PLCB1: variants seen among roughly 807,000 people sequenced by gnomAD.
PLCB1 encodes the protein phospholipase C beta 1.
In PLCB1, 46 loss-of-function variants were observed where a neutral mutation model predicts 161.8. The ratio of observed to expected loss-of-function variants is 0.28; its 90% CI spans 0.22 to 0.36. PLCB1 has a LOEUF of 0.36. Among genes scored for constraint, PLCB1 ranks in the 10% least tolerant of loss-of-function variants. PLCB1 has a pLI of 1.00. For missense variants in PLCB1, 1,016 were observed against 1,472.5 expected (o/e 0.69, Z 5.07); for synonymous variants, 517 against 503.7 (o/e 1.03, Z -0.35).
chr20:8,205,714 A>G (rs1600233298), intron 2 of PLCB1, among the ~76,000 whole-genome samples: 1 of 152,258 alleles, frequency 6.6e-6, no homozygotes, highest in East Asian at 1.9e-4. Context: ...AAAAGAGGGA[A>G]ACTACACCGT....
At chr20:8,639,890 C>T (rs1262362822) in intron 4 of PLCB1, among the ~76,000 whole-genome samples, 1 of 119,360 alleles carries the variant, frequency 8.4e-6, no homozygotes, top group Non-Finnish European at 1.8e-5. Flanking sequence ...AATTAGAAGA[C>T]AAGAAAAAAA....
rs191678887 is a variant in PLCB1, at chr20:8,778,238, A to G, written c.3111+3519A>G. Among the ~76,000 whole-genome samples the G allele has an allele frequency of 2.3e-3, 356 of 152,322 alleles. 1 individual carries two copies. The highest frequency in any genetic ancestry group is 8.2e-3 in the African/African-American group (342 of 41,582). On this transcript the variant is annotated intron_variant, in intron 27 of 31. Transcript: ENST00000338037. ...TTCCTGAAAGAGGAATTCAGAGTACAGATGAAAACAGAAGCCAAAACATCC... is the reference window on the plus strand; with the variant it reads ...TTCCTGAAAGAGGAATTCAGAGTACGGATGAAAACAGAAGCCAAAACATCC...
chr20:8,153,942 T>A (rs1255041012), intron 2 of PLCB1, among the ~76,000 whole-genome samples: 2 of 152,200 alleles, frequency 1.3e-5, no homozygotes, highest in African/African-American at 4.8e-5. Flanking sequence ...AATATCTTTT[T>A]ATCTGTAAAA....
chr20:8,392,363 T>C (rs1987635115), intron 3 of PLCB1, among the ~76,000 whole-genome samples: 2 of 152,122 alleles, frequency 1.3e-5, no homozygotes, highest in Non-Finnish European at 2.9e-5. Context: ...TTCACATCTG[T>C]GGAAAATAAA....
intron 3 of PLCB1, among the ~76,000 whole-genome samples, chr20:8,446,396 A>G (rs1181651839): frequency 6.6e-6 from 1 of 152,210 alleles, no homozygotes; most frequent in African/African-American, 2.4e-5. Flanking sequence ...TTAGGTATTG[A>G]TGGGATGTAT....
chr20:8,702,796 A>G (rs1352749888), intron 11 of PLCB1, among the ~76,000 whole-genome samples: 2 of 152,226 alleles, frequency 1.3e-5, no homozygotes, highest in African/African-American at 2.4e-5. Flanking sequence ...CTTAAAAGCT[A>G]TAACTGGTTT....
Position 8,196,823 on chromosome 20 carries a change from C to G in PLCB1, c.177+46452C>G, listed in dbSNP as rs1197905587. Among the ~76,000 whole-genome samples the G allele has an allele frequency of 3.3e-5, 5 of 152,060 alleles. No homozygotes were observed. The East Asian group carries it at 9.7e-4, about 29-fold the overall frequency. On this transcript the variant is annotated intron_variant, in intron 2 of 31. Transcript: ENST00000338037. ...CCTAATGCTATCCCTACCCCCTCCC[C>G]CAACCCCACAACAGGCCCCAGTGTG...
intron 2 of PLCB1, among the ~76,000 whole-genome samples, chr20:8,179,473 A>G (rs1394284942): frequency 1.3e-5 from 2 of 152,160 alleles, no homozygotes; most frequent in Non-Finnish European, 2.9e-5. Context: ...ACCGAATTTC[A>G]TACATTGATT....
chr20:8,829,173 GA>G (rs1985860421), intron 31 of PLCB1, among the ~76,000 whole-genome samples: 1 of 152,094 alleles, frequency 6.6e-6, no homozygotes, highest in Non-Finnish European at 1.5e-5. Context: ...AATCCTCCTG[GA>G]ATACATTTCA....
At chr20:8,345,670 A>G (rs1009674494) in intron 2 of PLCB1, among the ~76,000 whole-genome samples, 1 of 152,160 alleles carries the variant, frequency 6.6e-6, no homozygotes, top group Non-Finnish European at 1.5e-5. Context: ...ACTTTGCCAA[A>G]TGCCCGGGAC....
intron 2 of PLCB1, among the ~76,000 whole-genome samples, chr20:8,207,835 C>T (rs1198004652): frequency 1.3e-5 from 2 of 152,120 alleles, no homozygotes; most frequent in Non-Finnish European, 2.9e-5. Context: ...CCCATCTGGG[C>T]CACCCAAAGC....
intron 2 of PLCB1, among the ~76,000 whole-genome samples, chr20:8,241,468 A>G (rs1440527370): frequency 3.3e-5 from 5 of 151,916 alleles, no homozygotes; most frequent in Non-Finnish European, 2.9e-5. Context: ...TTGGAAAACT[A>G]TTATGTCTTT....
At chr20:8,632,705 A>G (rs1454342299) in intron 4 of PLCB1, among the ~76,000 whole-genome samples, 1 of 152,180 alleles carries the variant, frequency 6.6e-6, no homozygotes, top group Non-Finnish European at 1.5e-5. Flanking sequence ...CTTGCACTAC[A>G]GCAGGTGCAA....
intron 3 of PLCB1, among the ~76,000 whole-genome samples, chr20:8,382,130 C>G (rs538449313): frequency 2.0e-5 from 3 of 152,214 alleles, no homozygotes; most frequent in South Asian, 2.1e-4. Flanking sequence ...CTAGCTGTGT[C>G]CCAGAGATTC....
At chr20:8,329,427 A>G (rs1042083643) in intron 2 of PLCB1, among the ~76,000 whole-genome samples, 1 of 151,672 alleles carries the variant, frequency 6.6e-6, no homozygotes, top group Non-Finnish European at 1.5e-5. Flanking sequence ...TGTTGGGATG[A>G]CAGGCGTGAG....
chr20:8,609,281 AC>A (rs1193387820), intron 3 of PLCB1, among the ~76,000 whole-genome samples: 1 of 152,226 alleles, frequency 6.6e-6, no homozygotes, highest in Non-Finnish European at 1.5e-5. Context: ...TTATGTCATA[AC>A]TATACATTTC....
intron 3 of PLCB1, among the ~76,000 whole-genome samples, chr20:8,613,562 A>C (rs991549449): frequency 5.9e-4 from 90 of 152,364 alleles, no homozygotes; most frequent in African/African-American, 2.0e-3. Flanking sequence ...TAAGATTCTT[A>C]TAAAAGGTTT....
intron 31 of PLCB1, among the ~76,000 whole-genome samples, chr20:8,841,182 A>C (rs1265754988): frequency 1.3e-5 from 2 of 152,054 alleles, no homozygotes; most frequent in African/African-American, 4.8e-5. Context: ...TACAACAATA[A>C]CTTTAAAAAA....
chr20:8,637,864 G>A (rs189853963), intron 4 of PLCB1, among the ~76,000 whole-genome samples: 54 of 152,236 alleles, frequency 3.5e-4, no homozygotes, highest in South Asian at 1.5e-3. Context: ...TTATGAATGC[G>A]GAACAAGATA....
Sources: allele counts gnomAD v4.1 joint callset (sites outside exome capture counted in the v4.1 genomes callset), GRCh38; gene constraint gnomAD v4.1.1; transcripts MANE v1.5; gene names NCBI Gene and HGNC (gene_info 2026-07-23, HGNC 2026-07-21).